TMEM108: variants seen among roughly 807,000 people sequenced by gnomAD.
TMEM108 encodes the protein transmembrane protein 108.
Under a neutral mutation model 35.1 loss-of-function variants are expected in TMEM108, and 12 were observed. The ratio of observed to expected loss-of-function variants is 0.34; its 90% CI spans 0.22 to 0.55. The LOEUF is 0.55. TMEM108 is among the 20% of genes least tolerant of loss of function. The pLI, the probability that TMEM108 is intolerant of heterozygous loss-of-function variation, is 0.89. For synonymous variants in TMEM108, 287 were observed against 308.6 expected (o/e 0.93, Z 0.73); for missense variants, 680 against 753.3 (o/e 0.90, Z 1.14).
rs186864866 is a variant in TMEM108, at chr3:133,309,475, T to C, written c.41-70277T>C. ...TGTTAGGGTGTCAATTTTAGATCTT[T>C]CCTGCTTTCTCTTGTGTGCTTTTAG... On this transcript the variant is annotated intron_variant, in intron 3 of 5. Coordinates refer to ENST00000321871, the MANE Select transcript of TMEM108 (RefSeq NM_023943.4). 6.6e-3 allele frequency among the ~76,000 whole-genome samples: 1,009 copies of C among 152,240 alleles called. 17 individuals carry two copies. Among genetic ancestry groups the C allele is most frequent in the African/African-American group, 0.023 (949 of 41,534 alleles).
intron 3 of TMEM108, among the ~76,000 whole-genome samples, chr3:133,319,751 C>T (rs1024460136): frequency 2.6e-5 from 4 of 152,170 alleles, no homozygotes; most frequent in Non-Finnish European, 5.9e-5. Flanking sequence ...GGTAGCCCCA[C>T]TGGGTTGCTA....
intron 2 of TMEM108, among the ~76,000 whole-genome samples, chr3:133,162,512 G>C (rs1576353522): frequency 6.6e-6 from 1 of 152,256 alleles, no homozygotes; most frequent in Admixed American, 6.5e-5. Context: ...GTGTGTCCTG[G>C]TCACTTTTTA....
intron 3 of TMEM108, among the ~76,000 whole-genome samples, chr3:133,263,479 A>C (rs77025343): frequency 0.12 from 17,988 of 152,208 alleles, 1,486 homozygotes; most frequent in East Asian, 0.38. Flanking sequence ...TTTTTCCCCA[A>C]ATCTGTGAAC....
rs1022417467 is a variant in TMEM108 at position 133,131,680 on chromosome 3, T to C, written c.-47+85660T>C. ...ATTAAATTCGACCAATTAATAACCCTAAAATGGCCTCTAAGTGTAGGAAGC... is the reference window on the plus strand; with the variant it reads ...ATTAAATTCGACCAATTAATAACCCCAAAATGGCCTCTAAGTGTAGGAAGC... On this transcript the variant is annotated intron_variant, in intron 2 of 5. Coordinates refer to ENST00000321871, the MANE Select transcript of TMEM108 (RefSeq NM_023943.4). Among the ~76,000 whole-genome samples the C allele has an allele frequency of 4.6e-5, 7 of 151,724 alleles. No individual in the cohort carries two copies. The East Asian group carries it at 1.2e-3, about 25-fold the overall frequency.
chr3:133,299,786 C>T (rs1334917901), intron 3 of TMEM108, among the ~76,000 whole-genome samples: 1 of 152,154 alleles, frequency 6.6e-6, no homozygotes, highest in African/African-American at 2.4e-5. Context: ...GGCAGAGGGA[C>T]GTTCTTCTCC....
Position 133,208,588 on chromosome 3 carries a change from A to G in TMEM108, c.-46-20678A>G, listed in dbSNP as rs369905286. On this transcript the variant is annotated intron_variant, in intron 2 of 5. Transcript: ENST00000321871. ...CCAGCTCCCATCTTGCTGATTTCCA[A>G]CTACCACCAGCTACTTCCCTGTCAG... is the stretch of plus-strand genomic sequence containing the variant. Among the ~76,000 whole-genome samples the G allele has an allele frequency of 1.3e-3, 194 of 152,224 alleles. 1 individual carries two copies. The highest frequency in any genetic ancestry group is 4.4e-3 in the African/African-American group (183 of 41,544).
intron 2 of TMEM108, among the ~76,000 whole-genome samples, chr3:133,181,008 TAAAAAAA>T (rs369228472): frequency 0.021 from 1,594 of 75,886 alleles, 53 homozygotes; most frequent in South Asian, 0.061. Flanking sequence ...GCAGTTGTGT[TAAAAAAA>T]AAAAAAAAAA....
intron 2 of TMEM108, among the ~76,000 whole-genome samples, chr3:133,076,375 T>TG (rs1943743311): frequency 6.6e-6 from 1 of 151,920 alleles, no homozygotes; most frequent in South Asian, 2.1e-4. Context: ...GTGATATAGA[T>TG]GGGAAAAAAG....
At chr3:133,191,624 G>C (rs978736062) in intron 2 of TMEM108, among the ~76,000 whole-genome samples, 3 of 152,134 alleles carry the variant, frequency 2.0e-5, no homozygotes, top group Non-Finnish European at 4.4e-5. Flanking sequence ...TACAGGTAAA[G>C]AAAATATTCT....
chr3:133,072,609 T>G (rs1330682361), intron 2 of TMEM108, among the ~76,000 whole-genome samples: 1 of 152,128 alleles, frequency 6.6e-6, no homozygotes, highest in Non-Finnish European at 1.5e-5. Context: ...CCGCATACCT[T>G]ATGGTACTTT....
chr3:133,328,457 T>C (rs2071356732), intron 3 of TMEM108, among the ~76,000 whole-genome samples: 1 of 152,134 alleles, frequency 6.6e-6, no homozygotes, highest in African/African-American at 2.4e-5. Context: ...ATTTGATTAG[T>C]TTTTTCTGTT....
At chr3:133,110,770 T>C (rs1460637423) in intron 2 of TMEM108, among the ~76,000 whole-genome samples, 1 of 152,228 alleles carries the variant, frequency 6.6e-6, no homozygotes, top group Non-Finnish European at 1.5e-5. Context: ...CAAAATTATG[T>C]GAGCATCAGA....
chr3:133,182,194 C>T (rs1945356685), intron 2 of TMEM108, among the ~76,000 whole-genome samples: 1 of 152,138 alleles, frequency 6.6e-6, no homozygotes, highest in Non-Finnish European at 1.5e-5. Context: ...GTCCTTTCTT[C>T]CCAGTGGTAG....
At chr3:133,240,171 G>A (rs1946293548) in intron 3 of TMEM108, among the ~76,000 whole-genome samples, 1 of 152,126 alleles carries the variant, frequency 6.6e-6, no homozygotes, top group South Asian at 2.1e-4. Context: ...TGGGGGGCTT[G>A]ATTATGAAGA....
At chr3:133,290,554 G>A (rs1174848979) in intron 3 of TMEM108, among the ~76,000 whole-genome samples, 2 of 152,070 alleles carry the variant, frequency 1.3e-5, no homozygotes, top group African/African-American at 4.8e-5. Flanking sequence ...CCAGAAGGCA[G>A]AGGTTGCAGT....
intron 4 of TMEM108, among the ~76,000 whole-genome samples, chr3:133,389,944 C>T (rs1576545948): frequency 6.7e-6 from 1 of 148,220 alleles, no homozygotes; most frequent in East Asian, 2.0e-4. Context: ...ATGATAGTAC[C>T]AGAAAAGCTA....
intron 2 of TMEM108, among the ~76,000 whole-genome samples, chr3:133,127,799 C>T (rs946290720): frequency 1.3e-5 from 2 of 152,068 alleles, no homozygotes; most frequent in African/African-American, 4.8e-5. Flanking sequence ...GTTTAAATTC[C>T]AGTTTAGTTC....
chr3:133,185,784 C>CTTTTTTTTTTTTTTTTTTTTT (rs11309146), intron 2 of TMEM108, among the ~76,000 whole-genome samples: 1 of 127,094 alleles, frequency 7.9e-6, no homozygotes, highest in African/African-American at 2.9e-5. Flanking sequence ...CTTTTCTTTT[C>CTTTTTTTTTTTTTTTTTTTTT]TTTTTTTTTT....
chr3:133,233,025 CG>C (rs1243593073), intron 3 of TMEM108, among the ~76,000 whole-genome samples: 108 of 124,364 alleles, frequency 8.7e-4, no homozygotes, highest in Non-Finnish European at 1.5e-3. Context: ...TTACCACTTT[CG>C]TTTTTTTTTT....
Sources: gnomAD v4.1 joint callset for allele counts (sites outside exome capture counted in the v4.1 genomes callset) on GRCh38, gnomAD v4.1.1 for gene constraint, MANE v1.5 for transcripts, NCBI Gene and HGNC (gene_info 2026-07-23, HGNC 2026-07-21) for gene names.